Variants in THAP3 observed in about 807,000 individuals in gnomAD.
The protein encoded by THAP3 is THAP domain-containing protein 3.
THAP3 carries 12 observed loss-of-function variants against 17.7 expected under a neutral mutation model. The ratio of observed to expected loss-of-function variants is 0.68; its 90% CI spans 0.43 to 1.10. THAP3 has a LOEUF of 1.10. THAP3 is among the 50% of genes least tolerant of loss of function. The pLI, the probability that THAP3 is intolerant of heterozygous loss-of-function variation, is 0.00. For missense variants in THAP3, 289 were observed against 318.0 expected, an observed-to-expected ratio of 0.91 and a Z score of 0.69; for synonymous variants, 133 against 126.9, an observed-to-expected ratio of 1.05 and a Z score of -0.32.
Position 6,625,281 on chromosome 1 carries a change from C to T in THAP3, c.63C>T (p.Leu21=), listed in dbSNP as rs1054314498. 22 of 1,542,336 alleles carry T rather than the reference C, an allele frequency of 1.4e-5. No homozygotes were observed. The highest frequency in any genetic ancestry group is 7.8e-5 in the Admixed American group (4 of 50,992). ...GCTACAGCAGCCGCAGGAAGCAGCTCACCTTCCACCGGTAAGAGGCGGGGA... is the reference window on the plus strand; with the variant it reads ...GCTACAGCAGCCGCAGGAAGCAGCTTACCTTCCACCGGTAAGAGGCGGGGA... The part of the protein sequence containing the change: ...CNRYSSRRKQ[L]TFHRFPFSRP... The change falls in exon 2 of 6, where the codon CTC becomes CTT. Residue 21 remains leucine (L), a synonymous_variant. Coordinates refer to ENST00000054650, the MANE Select transcript of THAP3 (RefSeq NM_001195753.2).
At chr1:6,626,707 G>C (rs1043525423) in intron 2 of THAP3, among the ~76,000 whole-genome samples, 11 of 152,204 alleles carry the variant, frequency 7.2e-5, no homozygotes, top group Admixed American at 2.0e-4. Context: ...TTACCCGGGC[G>C]TGGTAGCGCG....
chr1:6,634,359 A>AGAT, downstream of THAP3: 1 of 1,104,378 alleles, frequency 9.1e-7, no homozygotes, highest in Non-Finnish European at 1.2e-6. Context: ...TAAAAAATGG[A>AGAT]GATGAATGTT....
At chr1:6,634,335 CAG>C (rs1334426429), downstream of THAP3, 2 of 1,084,720 alleles carry the variant, frequency 1.8e-6, no homozygotes, top group Non-Finnish European at 2.5e-6. Context: ...GTGGGGCCGT[CAG>C]AGAAACCTTT....
intron 4 of THAP3, among the ~76,000 whole-genome samples, chr1:6,632,046 C>CAAAAA (rs35349874): frequency 6.3e-5 from 7 of 111,398 alleles, no homozygotes; most frequent in Non-Finnish European, 1.1e-4. Context: ...GATTCCGTCT[C>CAAAAA]AAAAAAAAAA....
intron 2 of THAP3, among the ~76,000 whole-genome samples, chr1:6,626,008 C>G (rs1321576119): frequency 1.3e-5 from 2 of 152,196 alleles, no homozygotes; most frequent in Non-Finnish European, 2.9e-5. Context: ...GTGAACGTCA[C>G]TGAACTGAAA....
chr1:6,633,466 C>G lies in THAP3; in HGVS notation c.*389C>G. On this transcript the variant is annotated 3_prime_UTR_variant, in exon 6 of 6. Coordinates refer to ENST00000054650, the MANE Select transcript of THAP3 (RefSeq NM_001195753.2). ...TGGCTCTGTGGCGGGTGAGTGGTCC[C>G]CTCCTCCATCAGCCTGGACAGCCGC... The G allele has an allele frequency of 8.7e-7, 1 of 1,144,362 alleles. No individual in the cohort carries two copies. The highest frequency in any genetic ancestry group is 1.1e-6 in the Non-Finnish European group (1 of 924,618). 70.9% of individuals were successfully genotyped at this position (1,144,362 alleles called of 1,614,324 possible). A position where few individuals can be genotyped will look rare whatever the true frequency, so the allele number is the denominator to read the frequency against.
chr1:6,625,432 A>AG, intron 2 of THAP3, 140 bp downstream of exon 2: 2 of 563,412 alleles, frequency 3.5e-6, no homozygotes, highest in Non-Finnish European at 4.8e-6. Context: ...CTGGGCCCAG[A>AG]GGGGCTGGCG....
downstream of THAP3, chr1:6,635,379 G>A (rs553398342): frequency 3.3e-5 from 12 of 363,442 alleles, no homozygotes; most frequent in South Asian, 4.2e-4. Context: ...CAGCACGTGT[G>A]CTCGGGACAC....
At chr1:6,626,836 A>G (rs1641481283) in intron 2 of THAP3, among the ~76,000 whole-genome samples, 1 of 152,174 alleles carries the variant, frequency 6.6e-6, no homozygotes, top group Non-Finnish European at 1.5e-5. Flanking sequence ...ACAGAGCGAG[A>G]CTCCGTCTCA....
chr1:6,626,818 C>G (rs1486627565), intron 2 of THAP3, among the ~76,000 whole-genome samples: 1 of 152,260 alleles, frequency 6.6e-6, no homozygotes, highest in East Asian at 1.9e-4. Flanking sequence ...TACACTCCAT[C>G]TTGGGCAACA....
In THAP3 at chr1:6,624,935, G is replaced by A. The variant is rs929609554; in HGVS notation, c.-89G>A. On this transcript the variant is annotated 5_prime_UTR_variant, in exon 1 of 6. Coordinates refer to ENST00000054650, the MANE Select transcript of THAP3 (RefSeq NM_001195753.2). ...TGCTCAAAGCAAGGAGGTGAAAGGCGACCAGCATTGGCGAATGGGGTAAGA... is the reference window on the plus strand; with the variant it reads ...TGCTCAAAGCAAGGAGGTGAAAGGCAACCAGCATTGGCGAATGGGGTAAGA... 4 of 472,996 alleles carry A rather than the reference G, an allele frequency of 8.5e-6. No individual in the cohort carries two copies. The highest frequency in any genetic ancestry group is 5.6e-4 in the Middle Eastern group (1 of 1,784). The allele number at this position is 472,996 out of a possible 1,614,324, so 29.3% of individuals were successfully genotyped here.
intron 4 of THAP3, among the ~76,000 whole-genome samples, chr1:6,632,008 C>A (rs1223188265): frequency 3.4e-5 from 5 of 147,548 alleles, no homozygotes; most frequent in Non-Finnish European, 7.4e-5. Context: ...GATCATGCCA[C>A]TGCACTCCAG....
In THAP3 at chr1:6,625,144, C is replaced by G. The variant is rs1425709062; in HGVS notation, c.-69-6C>G. The G allele has an allele frequency of 6.8e-7, 1 of 1,470,600 alleles. No individual in the cohort carries two copies. Among genetic ancestry groups the G allele is most frequent in the East Asian group, 2.7e-5 (1 of 37,726 alleles). 91.1% of individuals were successfully genotyped at this position (1,470,600 alleles called of 1,614,324 possible). A position where few individuals can be genotyped will look rare whatever the true frequency, so the allele number is the denominator to read the frequency against. ...CACCTCCCAGCGGCCCCGCCCCTCC[C>G]CGCAGGTCCCTCCCCTCTCCGCAGG... On this transcript the variant is annotated splice_region_variant and splice_polypyrimidine_tract_variant and intron_variant, in intron 1 of 5. Transcript: ENST00000054650.
rs770402486 is a variant in THAP3 at position 6,625,172 on chromosome 1, C to T, written c.-47C>T. On this transcript the variant is annotated 5_prime_UTR_variant, in exon 2 of 6. Coordinates refer to ENST00000054650, the MANE Select transcript of THAP3 (RefSeq NM_001195753.2). ...CAGGTCCCTCCCCTCTCCGCAGGCC[C>T]CGCCGCCGCCGCCATCTTTGTTGGG... 388 of 1,490,536 alleles carry T rather than the reference C, an allele frequency of 2.6e-4. 1 individual carries two copies. In the Middle Eastern group the frequency reaches 3.0e-3, roughly 12 times the overall value. 92.3% of individuals were successfully genotyped at this position (1,490,536 alleles called of 1,614,324 possible). A position where few individuals can be genotyped will look rare whatever the true frequency, so the allele number is the denominator to read the frequency against.
At chr1:6,633,914 C>A (rs1641699069), downstream of THAP3, 3 of 1,021,356 alleles carry the variant, frequency 2.9e-6, no homozygotes, top group Non-Finnish European at 2.9e-6. Flanking sequence ...GAGACTCAGT[C>A]TGAAAAAAAA....
At chr1:6,624,988 G>T in intron 1 of THAP3, 34 bp downstream of exon 1, 1 of 544,060 alleles carries the variant, frequency 1.8e-6, no homozygotes, top group East Asian at 3.4e-5. Flanking sequence ...CTAGGAGTTG[G>T]GGTTTCGGGC....
intron 4 of THAP3, among the ~76,000 whole-genome samples, chr1:6,632,145 G>A (rs979289437): frequency 6.6e-6 from 1 of 152,142 alleles, no homozygotes; most frequent in East Asian, 1.9e-4. Flanking sequence ...GAACCCTGGG[G>A]GTGGAGGTTG....
At chr1:6,630,533 C>G (rs1641581087) in intron 4 of THAP3, among the ~76,000 whole-genome samples, 180 bp downstream of exon 4, 1 of 152,194 alleles carries the variant, frequency 6.6e-6, no homozygotes, top group South Asian at 2.1e-4. Flanking sequence ...TTTTCAATAT[C>G]AAAGAATCTC....
intron 4 of THAP3, among the ~76,000 whole-genome samples, chr1:6,631,399 G>A (rs183333990): frequency 1.1e-3 from 166 of 152,138 alleles, no homozygotes; most frequent in Middle Eastern, 3.4e-3. Flanking sequence ...AGGCTGAGGC[G>A]GGTGGATGTC....
Sources: gnomAD v4.1 joint callset for allele counts (sites outside exome capture counted in the v4.1 genomes callset) on GRCh38, gnomAD v4.1.1 for gene constraint, MANE v1.5 for transcripts, NCBI Gene and HGNC (gene_info 2026-07-23, HGNC 2026-07-21) for gene names.